BMERB1: variants seen among roughly 807,000 people sequenced by gnomAD.
The protein encoded by BMERB1 is bMERB domain-containing protein 1.
In BMERB1, 12 loss-of-function variants were observed where a neutral mutation model predicts 23.6. The observed-to-expected ratio is 0.51, with a 90% CI of 0.33 to 0.82. BMERB1 has a LOEUF of 0.82. BMERB1 is among the 40% of genes least tolerant of loss of function. The pLI is 0.03. For missense variants in BMERB1, 247 were observed against 255.4 expected (o/e 0.97, Z 0.22); for synonymous variants, 122 against 96.6 (o/e 1.26, Z -1.54).
intron 1 of BMERB1, among the ~76,000 whole-genome samples, chr16:15,483,641 A>G (rs145448750): frequency 0.014 from 2,109 of 152,212 alleles, 57 homozygotes; most frequent in African/African-American, 0.049. Flanking sequence ...CGGCCTCCCA[A>G]AGTGCTAGGA....
chr16:15,478,125 A>T (rs1029222617), intron 1 of BMERB1, among the ~76,000 whole-genome samples: 3 of 152,076 alleles, frequency 2.0e-5, no homozygotes, highest in African/African-American at 7.2e-5. Flanking sequence ...CCTTCTCGAC[A>T]TTCAAGTCAT....
chr16:15,557,484 C>T (rs1240550538), intron 2 of BMERB1, among the ~76,000 whole-genome samples: 2 of 152,214 alleles, frequency 1.3e-5, no homozygotes, highest in African/African-American at 4.8e-5. Context: ...ATCATGATGT[C>T]ATGCTTGCAA....
chr16:15,478,369 C>T (rs1227521867), intron 1 of BMERB1, among the ~76,000 whole-genome samples: 1 of 152,084 alleles, frequency 6.6e-6, no homozygotes, highest in Non-Finnish European at 1.5e-5. Flanking sequence ...CCATGTTGGC[C>T]AAGCTGGTCT....
intron 1 of BMERB1, among the ~76,000 whole-genome samples, chr16:15,476,689 C>T (rs2051277679): frequency 6.6e-6 from 1 of 152,212 alleles, no homozygotes; most frequent in South Asian, 2.1e-4. Flanking sequence ...CCTCACCTTG[C>T]ACCAGCTCAT....
chr16:15,587,310 C>T lies in BMERB1; in HGVS notation c.*481C>T, dbSNP rs959325541. 8.4e-6 allele frequency: 2 copies of T among 239,362 alleles called. No individual in the cohort carries two copies. The highest frequency in any genetic ancestry group is 1.6e-3 in the Middle Eastern group (1 of 626). 14.8% of individuals were successfully genotyped at this position (239,362 alleles called of 1,614,324 possible). On this transcript the variant is annotated 3_prime_UTR_variant, in exon 6 of 6. Coordinates refer to ENST00000300006, the MANE Select transcript of BMERB1 (RefSeq NM_033201.3). Reference sequence around the variant, plus strand: ...AGGTCCCCTCCCGTCTGTCCTCTCCCAGCAACTGTGCCCTGGAGGGCTCCA... The same window carrying T: ...AGGTCCCCTCCCGTCTGTCCTCTCCTAGCAACTGTGCCCTGGAGGGCTCCA...
chr16:15,505,915 A>G (rs892843806), intron 1 of BMERB1, among the ~76,000 whole-genome samples: 1 of 151,588 alleles, frequency 6.6e-6, no homozygotes. Flanking sequence ...AGTGAATGTC[A>G]TGACATACTG....
At chr16:15,577,577 A>G (rs758494268) in intron 3 of BMERB1, among the ~76,000 whole-genome samples, 17 of 152,254 alleles carry the variant, frequency 1.1e-4, no homozygotes, top group Non-Finnish European at 2.4e-4. Context: ...AAGACGGCCA[A>G]GTGGGTGATT....
rs1229227689 is a variant in BMERB1 at position 15,533,146 on chromosome 16, ATTAAATG to A, written c.230+17722_230+17728del. On this transcript the variant is annotated intron_variant, in intron 2 of 5. Coordinates refer to ENST00000300006, the MANE Select transcript of BMERB1 (RefSeq NM_033201.3). ...AGTGCCTGCTACCACGTAAGTGCTC[ATTAAATG>A]TTACTTTCCTTTACCACCAGGAAGA... The A allele has an allele frequency of 4.4e-5, 15 of 341,980 alleles. No individual in the cohort carries two copies. The East Asian group carries it at 8.7e-4, about 20-fold the overall frequency. 21.2% of individuals were successfully genotyped at this position (341,980 alleles called of 1,614,324 possible).
intron 1 of BMERB1, among the ~76,000 whole-genome samples, chr16:15,440,042 C>T (rs1022415784): frequency 2.6e-5 from 4 of 151,644 alleles, no homozygotes; most frequent in Non-Finnish European, 5.9e-5. Flanking sequence ...GTCAGCAGTT[C>T]GAGGCCAGCT....
rs370033098 is a variant in BMERB1 at position 15,515,266 on chromosome 16, T to A, written c.107-39T>A. On this transcript the variant is annotated intron_variant, in intron 1 of 5. Coordinates refer to ENST00000300006, the MANE Select transcript of BMERB1 (RefSeq NM_033201.3). The stretch of plus-strand genomic sequence containing the variant: ...TCAGGGTCTGTCCCATGGTGCAGCC[T>A]TGGGGTCCTGATGGTTGTATTTCCT... The A allele has an allele frequency of 5.2e-4, 834 of 1,611,828 alleles. 1 individual carries two copies. Among genetic ancestry groups the A allele is most frequent in the Non-Finnish European group, 6.5e-4 (763 of 1,179,704 alleles).
chr16:15,573,092 A>C (rs1222931750), intron 3 of BMERB1, among the ~76,000 whole-genome samples: 1 of 152,156 alleles, frequency 6.6e-6, no homozygotes, highest in African/African-American at 2.4e-5. Flanking sequence ...GGACTAATAC[A>C]ACTAGGGTCT....
chr16:15,485,915 A>C (rs912550936), intron 1 of BMERB1, among the ~76,000 whole-genome samples: 1 of 152,260 alleles, frequency 6.6e-6, no homozygotes, highest in Admixed American at 6.5e-5. Flanking sequence ...CCATCATTTG[A>C]GAGGCCCATG....
At chr16:15,511,411 A>G (rs949673140) in intron 1 of BMERB1, among the ~76,000 whole-genome samples, 1 of 151,906 alleles carries the variant, frequency 6.6e-6, no homozygotes, top group Non-Finnish European at 1.5e-5. Flanking sequence ...GTGATTGTGA[A>G]TCTCTCCAAT....
chr16:15,522,808 C>T (rs958613242), intron 2 of BMERB1, among the ~76,000 whole-genome samples: 4 of 152,148 alleles, frequency 2.6e-5, no homozygotes, highest in South Asian at 2.1e-4. Context: ...TCTGATCCCA[C>T]GGCAGTGTCT....
intron 2 of BMERB1, among the ~76,000 whole-genome samples, chr16:15,528,701 C>T (rs62039131): frequency 0.26 from 39,886 of 151,558 alleles, 6,176 homozygotes; most frequent in East Asian, 0.51. Flanking sequence ...CCCTCTCCTC[C>T]CACCCCCCTC....
At chr16:15,557,129 T>A (rs748826302) in intron 2 of BMERB1, among the ~76,000 whole-genome samples, 7 of 152,150 alleles carry the variant, frequency 4.6e-5, no homozygotes, top group Non-Finnish European at 8.8e-5. Context: ...CAGGGCCTGA[T>A]CACCTCTCCG....
intron 2 of BMERB1, 132 bp downstream of exon 2, chr16:15,515,560 T>G (rs1051803148): frequency 2.4e-6 from 3 of 1,270,562 alleles, no homozygotes; most frequent in Non-Finnish European, 3.1e-6. Context: ...AAGCCTCATT[T>G]GATTCTCACC....
chr16:15,541,261 A>G (rs981310248), intron 2 of BMERB1, among the ~76,000 whole-genome samples: 4 of 151,980 alleles, frequency 2.6e-5, no homozygotes, highest in Non-Finnish European at 2.9e-5. Flanking sequence ...CAGAGCTTCC[A>G]TGATGCCCTC....
rs191961679 is a variant in BMERB1 at position 15,481,747 on chromosome 16, A to C, written c.107-33558A>C. On this transcript the variant is annotated intron_variant, in intron 1 of 5. Transcript: ENST00000300006. ...TCTTTCTTTTTTTTTTTTGAGATGG[A>C]GTCTCTCTCTGTCCCTCAGGCTGGA... 1.6e-3 allele frequency among the ~76,000 whole-genome samples: 225 copies of C among 144,994 alleles called. 2 individuals are homozygous for C. Among genetic ancestry groups the C allele is most frequent in the Non-Finnish European group, 2.6e-3 (172 of 66,592 alleles).
Sources: allele counts gnomAD v4.1 joint callset (sites outside exome capture counted in the v4.1 genomes callset), GRCh38; gene constraint gnomAD v4.1.1; transcripts MANE v1.5; gene names NCBI Gene and HGNC (gene_info 2026-07-23, HGNC 2026-07-21).